AGPAT4: variants seen among roughly 807,000 people sequenced by gnomAD.
The protein encoded by AGPAT4 is 1-acylglycerol-3-phosphate O-acyltransferase 4.
AGPAT4 carries 15 observed loss-of-function variants against 48.0 expected under a neutral mutation model. That is an observed-to-expected ratio of 0.31 (90% CI 0.21 to 0.48). The LOEUF is 0.48. Among genes scored for constraint, AGPAT4 ranks in the 20% least tolerant of loss-of-function variants. AGPAT4 has a pLI of 0.99. For missense variants in AGPAT4, 314 were observed against 482.5 expected (o/e 0.65, Z 3.27); for synonymous variants, 178 against 198.7 (o/e 0.90, Z 0.88).
chr6:161,208,223 G>A lies in AGPAT4; in HGVS notation c.178+23813C>T, dbSNP rs187465693. 8.5e-5 allele frequency among the ~76,000 whole-genome samples: 13 copies of A among 152,064 alleles called. No homozygotes were observed. Among genetic ancestry groups the A allele is most frequent in the Admixed American group, 3.9e-4 (6 of 15,278 alleles). On this transcript the variant is annotated intron_variant, in intron 2 of 8. Transcript: ENST00000320285. The surrounding 1 kb of genome is among the most constrained non-coding windows in gnomAD (Gnocchi z 4.6). ...TTTCAGTCTCCTTTTTTATATGAAC[G>A]TTAGCTACCAAGACAAGCACTGTTA...
chr6:161,158,935 C>T lies in AGPAT4; in HGVS notation c.349-4625G>A, dbSNP rs149103123. Among the ~76,000 whole-genome samples, 291 of 152,300 alleles carry T rather than the reference C, an allele frequency of 1.9e-3. 2 individuals are homozygous for T. Among genetic ancestry groups the T allele is most frequent in the African/African-American group, 6.3e-3 (263 of 41,568 alleles). The stretch of plus-strand genomic sequence containing the variant: ...CTCTATGGCCAGCTTTGTTTGCAAA[C>T]GTCCAGTCATTCATGAAGGTTTCCC... On this transcript the variant is annotated intron_variant, in intron 3 of 8. Coordinates refer to ENST00000320285, the MANE Select transcript of AGPAT4 (RefSeq NM_020133.3). The surrounding 1 kb of genome is among the most constrained non-coding windows in gnomAD (Gnocchi z 5.3).
intron 1 of AGPAT4, among the ~76,000 whole-genome samples, chr6:161,273,078 C>G (rs116202533): frequency 0.019 from 2,858 of 152,308 alleles, 77 homozygotes; most frequent in African/African-American, 0.065. Flanking sequence ...CTCTCTAAAA[C>G]TTTATTTCAA....
At chr6:161,227,818 C>CTTTTT (rs1447118432) in intron 2 of AGPAT4, among the ~76,000 whole-genome samples, 2 of 152,292 alleles carry the variant, frequency 1.3e-5, no homozygotes, top group East Asian at 3.9e-4. Flanking sequence ...GCTCACTCTC[C>CTTTTT]TTTTTTGAGC....
Position 161,242,147 on chromosome 6 carries a change from T to G in AGPAT4, c.-89-9845A>C, listed in dbSNP as rs776843336. On this transcript the variant is annotated intron_variant, in intron 1 of 8. Coordinates refer to ENST00000320285, the MANE Select transcript of AGPAT4 (RefSeq NM_020133.3). This position sits in a 1 kb window ranked among gnomAD's most constrained non-coding sequence, Gnocchi z 5.0. ...CATTAGTTCTCACAAAAACCCACTATGAAAGGTATTGCCATTCTCACATTA... is the reference window on the plus strand; with the variant it reads ...CATTAGTTCTCACAAAAACCCACTAGGAAAGGTATTGCCATTCTCACATTA... Among the ~76,000 whole-genome samples the G allele has an allele frequency of 3.3e-5, 5 of 152,236 alleles. No individual in the cohort carries two copies. Among genetic ancestry groups the G allele is most frequent in the Non-Finnish European group, 7.3e-5 (5 of 68,044 alleles).
At chr6:161,188,686 C>T (rs1442699203) in intron 2 of AGPAT4, among the ~76,000 whole-genome samples, 2 of 152,118 alleles carry the variant, frequency 1.3e-5, no homozygotes, top group South Asian at 2.1e-4. Flanking sequence ...TTAAATCTGG[C>T]GATTCCAGTC....
At position 161,204,401 on chromosome 6, in the gene AGPAT4, G is replaced by A. The variant is rs940736478; in HGVS notation, c.178+27635C>T. 1.3e-5 allele frequency among the ~76,000 whole-genome samples: 2 copies of A among 152,044 alleles called. No homozygotes were observed. Among genetic ancestry groups the A allele is most frequent in the African/African-American group, 2.4e-5 (1 of 41,400 alleles). On this transcript the variant is annotated intron_variant, in intron 2 of 8. Coordinates refer to ENST00000320285, the MANE Select transcript of AGPAT4 (RefSeq NM_020133.3). The surrounding 1 kb of genome is among the most constrained non-coding windows in gnomAD (Gnocchi z 4.4). ...TTATTGTTTTATTGGATTTAATAGCGATGCATGTCTCCAATTTAATACTTA... is the reference window on the plus strand; with the variant it reads ...TTATTGTTTTATTGGATTTAATAGCAATGCATGTCTCCAATTTAATACTTA...
intron 1 of AGPAT4, among the ~76,000 whole-genome samples, chr6:161,256,006 G>A (rs1198083385): frequency 6.6e-6 from 1 of 152,194 alleles, no homozygotes; most frequent in Non-Finnish European, 1.5e-5. Context: ...CTGTTTAGAT[G>A]AAGGAAATGA....
Position 161,165,820 on chromosome 6 carries a change from A to T in AGPAT4, c.348+428T>A. ...CTTAAGCCTTCAACGATCAAAATGC[A>T]GAGGTGATGTCTGCCTGTTAGCCAA... On this transcript the variant is annotated intron_variant, in intron 3 of 8. Coordinates refer to ENST00000320285, the MANE Select transcript of AGPAT4 (RefSeq NM_020133.3). This position sits in a 1 kb window ranked among gnomAD's most constrained non-coding sequence, Gnocchi z 5.5. 1.7e-6 allele frequency: 1 copy of T among 591,266 alleles called. No homozygotes were observed. Among genetic ancestry groups the T allele is most frequent in the Non-Finnish European group, 3.1e-6 (1 of 321,654 alleles). The allele number at this position is 591,266 out of a possible 1,614,324, so 36.6% of individuals were successfully genotyped here.
At chr6:161,211,595 T>G (rs1478109941) in intron 2 of AGPAT4, among the ~76,000 whole-genome samples, 2 of 152,170 alleles carry the variant, frequency 1.3e-5, no homozygotes, top group African/African-American at 4.8e-5. Flanking sequence ...AAGCATGTCA[T>G]GAACAGTCTG....
chr6:161,179,489 A>G (rs144003756), intron 2 of AGPAT4, among the ~76,000 whole-genome samples: 1 of 152,362 alleles, frequency 6.6e-6, no homozygotes, highest in Non-Finnish European at 1.5e-5. Flanking sequence ...TGGTGTGAAG[A>G]GCAGATGCTA....
At position 161,184,127 on chromosome 6, in the gene AGPAT4, G is replaced by C. The variant is rs571312062; in HGVS notation, c.179-17710C>G. ...TGCCTGGAACTGGGGACACATTTCA[G>C]AGCATGACTTTGGCTGCTGTGTGGA... On this transcript the variant is annotated intron_variant, in intron 2 of 8. Coordinates refer to ENST00000320285, the MANE Select transcript of AGPAT4 (RefSeq NM_020133.3). This position sits in a 1 kb window ranked among gnomAD's most constrained non-coding sequence, Gnocchi z 4.8. Among the ~76,000 whole-genome samples, 1 of 152,212 alleles carries C rather than the reference G, an allele frequency of 6.6e-6. No homozygotes were observed. The highest frequency in any genetic ancestry group is 2.4e-5 in the African/African-American group (1 of 41,534).
rs1583323887 is a variant in AGPAT4 at position 161,200,616 on chromosome 6, G to A, written c.178+31420C>T. 1.3e-5 allele frequency among the ~76,000 whole-genome samples: 2 copies of A among 152,106 alleles called. No individual in the cohort carries two copies. Among genetic ancestry groups the A allele is most frequent in the South Asian group, 4.1e-4 (2 of 4,822 alleles). On this transcript the variant is annotated intron_variant, in intron 2 of 8. Transcript: ENST00000320285. This position sits in a 1 kb window ranked among gnomAD's most constrained non-coding sequence, Gnocchi z 5.5. ...AGGATTACTCTAGAAAGAATTATTG[G>A]CACCTCTTCTTTTCTTCAATAATCA...
Position 161,144,134 on chromosome 6 carries a change from C to G in AGPAT4, c.843+2390G>C, listed in dbSNP as rs767170767. The G allele has an allele frequency of 1.9e-6, 1 of 533,354 alleles. No homozygotes were observed. Among genetic ancestry groups the G allele is most frequent in the Admixed American group, 1.9e-5 (1 of 51,592 alleles). 33.0% of individuals were successfully genotyped at this position (533,354 alleles called of 1,614,324 possible). On this transcript the variant is annotated intron_variant, in intron 7 of 8. Coordinates refer to ENST00000320285, the MANE Select transcript of AGPAT4 (RefSeq NM_020133.3). The surrounding 1 kb of genome is among the most constrained non-coding windows in gnomAD (Gnocchi z 6.6). ...AAGGAATTGTCCCTTGATGTCTATTCACCACTCTGCTTGGAGAAACCATGC... is the reference window on the plus strand; with the variant it reads ...AAGGAATTGTCCCTTGATGTCTATTGACCACTCTGCTTGGAGAAACCATGC...
At position 161,142,762 on chromosome 6, in the gene AGPAT4, T is replaced by C. The variant is rs527342262; in HGVS notation, c.844-3142A>G. The stretch of plus-strand genomic sequence containing the variant: ...TCAGCAAGTCTGGGCGGGGAGAGGC[T>C]CTGTGAGAAGCGCTCGCAAGCCTTG... On this transcript the variant is annotated intron_variant, in intron 7 of 8. Coordinates refer to ENST00000320285, the MANE Select transcript of AGPAT4 (RefSeq NM_020133.3). The surrounding 1 kb of genome is among the most constrained non-coding windows in gnomAD (Gnocchi z 6.4). 3.3e-5 allele frequency among the ~76,000 whole-genome samples: 5 copies of C among 152,124 alleles called. No homozygotes were observed. Among genetic ancestry groups the C allele is most frequent in the Non-Finnish European group, 5.9e-5 (4 of 68,018 alleles).
intron 5 of AGPAT4, among the ~76,000 whole-genome samples, chr6:161,150,034 G>T (rs11967514): frequency 0.13 from 19,956 of 152,178 alleles, 2,014 homozygotes; most frequent in African/African-American, 0.28. Flanking sequence ...ACCATTCTAT[G>T]AGCATTATTT....
chr6:161,160,970 T>C (rs180694457), intron 3 of AGPAT4: 229 of 456,620 alleles, frequency 5.0e-4, no homozygotes, highest in Non-Finnish European at 4.1e-4. Context: ...TGCTAAACAG[T>C]TGCAGGAAGC....
rs1320232528 is a variant in AGPAT4, at chr6:161,161,035, TTCATGG to T, written c.348+5207_348+5212del. ...AGCACAGAGCACGAAAGGGGGACAG[TTCATGG>T]GATGATACCAAGTCGGTGTACAGCA... On this transcript the variant is annotated intron_variant, in intron 3 of 8. Transcript: ENST00000320285. This position sits in a 1 kb window ranked among gnomAD's most constrained non-coding sequence, Gnocchi z 4.6. 3 of 452,268 alleles carry T rather than the reference TTCATGG, an allele frequency of 6.6e-6. No homozygotes were observed. Among genetic ancestry groups the T allele is most frequent in the Non-Finnish European group, 4.4e-6 (1 of 225,326 alleles). The allele number at this position is 452,268 out of a possible 1,614,324, so 28.0% of individuals were successfully genotyped here.
rs1367305553 is a variant in AGPAT4 at position 161,242,841 on chromosome 6, G to T, written c.-89-10539C>A. Among the ~76,000 whole-genome samples, 1 of 152,132 alleles carries T rather than the reference G, an allele frequency of 6.6e-6. No individual in the cohort carries two copies. Among genetic ancestry groups the T allele is most frequent in the Non-Finnish European group, 1.5e-5 (1 of 68,024 alleles). On this transcript the variant is annotated intron_variant, in intron 1 of 8. Transcript: ENST00000320285. This position sits in a 1 kb window ranked among gnomAD's most constrained non-coding sequence, Gnocchi z 5.0. Reference sequence around the variant, plus strand: ...ATCCCAGCACTTTGGGAGGGGGTGGGTGGCTCACCTGAGGTCAGGAGATCG... The same window carrying T: ...ATCCCAGCACTTTGGGAGGGGGTGGTTGGCTCACCTGAGGTCAGGAGATCG...
Position 161,243,078 on chromosome 6 carries a change from T to C in AGPAT4, c.-89-10776A>G, listed in dbSNP as rs186841320. ...ACTCTGTCTCAAAAAAATTTTTTTT[T>C]AATTTAAAAAAAAATGAAACTTTTT... On this transcript the variant is annotated intron_variant, in intron 1 of 8. Coordinates refer to ENST00000320285, the MANE Select transcript of AGPAT4 (RefSeq NM_020133.3). This position sits in a 1 kb window ranked among gnomAD's most constrained non-coding sequence, Gnocchi z 4.8. Among the ~76,000 whole-genome samples the C allele has an allele frequency of 1.9e-4, 29 of 152,074 alleles. No individual in the cohort carries two copies. Among genetic ancestry groups the C allele is most frequent in the African/African-American group, 6.8e-4 (28 of 41,476 alleles).
Sources: allele counts gnomAD v4.1 joint callset (sites outside exome capture counted in the v4.1 genomes callset), GRCh38; gene constraint gnomAD v4.1.1; non-coding constraint Gnocchi (gnomAD v3.1); transcripts MANE v1.5; gene names NCBI Gene and HGNC (gene_info 2026-07-23, HGNC 2026-07-21).